SRRM3: variants seen among roughly 807,000 people sequenced by gnomAD.
SRRM3 encodes serine/arginine repetitive matrix 3.
In SRRM3, 27 loss-of-function variants were observed where a neutral mutation model predicts 66.2. That is an observed-to-expected ratio of 0.41 (90% confidence interval 0.30 to 0.56). The LOEUF (loss-of-function observed/expected upper bound fraction) is 0.56, where lower values mean the gene tolerates loss of function less well. Among genes scored for constraint, SRRM3 ranks in the 20% least tolerant of loss-of-function variants. The probability of loss-of-function intolerance (pLI) is 0.32; values close to 1 mark genes in which losing one functional copy is unlikely to be tolerated. For missense variants in SRRM3, 918 were observed against 991.9 expected (o/e 0.93, Z 1.00); for synonymous variants, 391 against 414.9 (o/e 0.94, Z 0.70).
Position 76,283,080 on chromosome 7 carries a change from T to A in SRRM3, c.1712T>A (p.Met571Lys). 6.8e-7 allele frequency: 1 copy of A among 1,463,146 alleles called. No individual in the cohort carries two copies. Among genetic ancestry groups the A allele is most frequent in the Non-Finnish European group, 9.0e-7 (1 of 1,116,706 alleles). The allele number at this position is 1,463,146 out of a possible 1,614,324, so 90.6% of individuals were successfully genotyped here. The change falls in exon 14 of 15, where the codon ATG becomes AAG. Residue 571 changes from methionine to lysine, a missense_variant. Transcript: ENST00000611745. ...RKRRRDSPSF[M>K]EPRRITSARK... Reference sequence around the variant, plus strand: ...CGGCGCCGGGACTCGCCAAGCTTCATGGAGCCGCGGCGCATCACCAGGTAT... The same window carrying A: ...CGGCGCCGGGACTCGCCAAGCTTCAAGGAGCCGCGGCGCATCACCAGGTAT...
chr7:76,246,217 C>A (rs74685020), intron 2 of SRRM3, among the ~76,000 whole-genome samples: 11,814 of 152,168 alleles, frequency 0.078, 1,117 homozygotes, highest in African/African-American at 0.22. Flanking sequence ...CTCTGACAAT[C>A]TTGAAAGGCA....
chr7:76,206,197 G>C (rs2116922798), intron 1 of SRRM3, among the ~76,000 whole-genome samples: 1 of 152,302 alleles, frequency 6.6e-6, no homozygotes, highest in Non-Finnish European at 1.5e-5. Context: ...TTTTAGAGAT[G>C]GGGTCTCACT....
chr7:76,221,491 T>C (rs1365389538), intron 1 of SRRM3, among the ~76,000 whole-genome samples: 1 of 150,842 alleles, frequency 6.6e-6, no homozygotes, highest in Non-Finnish European at 1.5e-5. Context: ...GCCTCCCTAC[T>C]AGCTGGGACT....
At chr7:76,281,085 C>T (rs1802485884) in intron 11 of SRRM3, among the ~76,000 whole-genome samples, 1 of 149,446 alleles carries the variant, frequency 6.7e-6, no homozygotes, top group Admixed American at 6.7e-5. Flanking sequence ...CATCTCTCTC[C>T]CTCTCACTCT....
intron 1 of SRRM3, among the ~76,000 whole-genome samples, chr7:76,211,643 C>T (rs996881244): frequency 1.3e-5 from 2 of 152,056 alleles, no homozygotes; most frequent in African/African-American, 2.4e-5. Flanking sequence ...CTCTCTGCGG[C>T]TCAGCCCAAT....
At chr7:76,271,283 C>T (rs1350756111) in intron 11 of SRRM3, among the ~76,000 whole-genome samples, 3 of 151,946 alleles carry the variant, frequency 2.0e-5, no homozygotes, top group East Asian at 3.9e-4. Flanking sequence ...GACTGGTCAA[C>T]AGAACAAGAC....
chr7:76,230,892 A>G (rs1554604191), intron 1 of SRRM3, among the ~76,000 whole-genome samples: 1 of 151,740 alleles, frequency 6.6e-6, no homozygotes, highest in Non-Finnish European at 1.5e-5. Context: ...CTGGGATTAC[A>G]GGCGCCCACC....
At chr7:76,251,351 G>T (rs1801576394) in intron 3 of SRRM3, among the ~76,000 whole-genome samples, 2 of 151,900 alleles carry the variant, frequency 1.3e-5, no homozygotes, top group African/African-American at 2.4e-5. Flanking sequence ...GGGTACGGTG[G>T]ATCACACCTG....
rs531763693 is a variant in SRRM3, at chr7:76,274,880, C to T, written c.1009-6561C>T. Among the ~76,000 whole-genome samples the T allele has an allele frequency of 1.7e-3, 259 of 152,246 alleles. 5 individuals carry two copies. Among genetic ancestry groups the T allele is most frequent in the East Asian group, 5.8e-4 (3 of 5,170 alleles). On this transcript the variant is annotated intron_variant, in intron 11 of 14. Coordinates refer to ENST00000611745, the MANE Select transcript of SRRM3 (RefSeq NM_001110199.3). ...CAGCACTCTGGGAGGCCGAGGTGGG[C>T]GGATCACTTGAGGTCTGGAGTTTGA...
chr7:76,220,812 A>G (rs1554603101), intron 1 of SRRM3, among the ~76,000 whole-genome samples: 1 of 152,188 alleles, frequency 6.6e-6, no homozygotes, highest in Non-Finnish European at 1.5e-5. Context: ...GCTCTGGCCA[A>G]GATTTTCCTC....
intron 2 of SRRM3, among the ~76,000 whole-genome samples, chr7:76,239,095 C>T (rs1358352367): frequency 3.3e-5 from 5 of 151,726 alleles, no homozygotes; most frequent in African/African-American, 7.3e-5. Flanking sequence ...TGAAATGGCA[C>T]GATCTCGGCT....
At chr7:76,275,119 AAAG>A (rs1554610928) in intron 11 of SRRM3, among the ~76,000 whole-genome samples, 2 of 151,550 alleles carry the variant, frequency 1.3e-5, no homozygotes, top group African/African-American at 4.8e-5. Context: ...AAAAAAAAAA[AAAG>A]AAAAAGAAAA....
rs1200216164 is a variant in SRRM3 at position 76,235,053 on chromosome 7, C to T, written c.-14C>T. 1.3e-6 allele frequency: 2 copies of T among 1,554,806 alleles called. No individual in the cohort carries two copies. Among genetic ancestry groups the T allele is most frequent in the African/African-American group, 2.7e-5 (2 of 72,768 alleles). ...GGCCAGCGGCCCAGGCCAGCGGCTC[C>T]AGGGCCAGCCACGATGTCCTCCACC... On this transcript the variant is annotated 5_prime_UTR_variant, in exon 2 of 15. Transcript: ENST00000611745.
At chr7:76,225,896 G>A (rs891429097) in intron 1 of SRRM3, among the ~76,000 whole-genome samples, 3 of 152,082 alleles carry the variant, frequency 2.0e-5, no homozygotes, top group South Asian at 2.1e-4. Context: ...TTGAAGTCAC[G>A]TGCCCTAGGT....
At chr7:76,275,599 T>C (rs917070423) in intron 11 of SRRM3, among the ~76,000 whole-genome samples, 1 of 152,030 alleles carries the variant, frequency 6.6e-6, no homozygotes, top group Admixed American at 6.6e-5. Context: ...GGTCCGTCCT[T>C]GAGGAGTTTC....
chr7:76,213,021 T>C (rs1554601966), intron 1 of SRRM3, among the ~76,000 whole-genome samples: 1 of 144,314 alleles, frequency 6.9e-6, no homozygotes. Context: ...TTTTTTTTTT[T>C]TTTTTTGAGA....
chr7:76,275,105 C>CAAAA (rs199917871), intron 11 of SRRM3, among the ~76,000 whole-genome samples: 1 of 85,626 alleles, frequency 1.2e-5, no homozygotes, highest in Non-Finnish European at 2.4e-5. Flanking sequence ...GACTCAGTCT[C>CAAAA]AAAAAAAAAA....
intron 3 of SRRM3, 23 bp downstream of exon 3, chr7:76,248,312 A>T: frequency 6.3e-7 from 1 of 1,585,750 alleles, no homozygotes. Context: ...CTGTGTGGGG[A>T]TGAGGGAGAG....
intron 1 of SRRM3, among the ~76,000 whole-genome samples, chr7:76,216,470 T>C (rs1563608533): frequency 6.6e-6 from 1 of 152,244 alleles, no homozygotes; most frequent in Non-Finnish European, 1.5e-5. Flanking sequence ...ACTTTTCCAC[T>C]GAGTCCTTGA....
Sources: allele counts gnomAD v4.1 joint callset (sites outside exome capture counted in the v4.1 genomes callset), GRCh38; gene constraint gnomAD v4.1.1; transcripts MANE v1.5; gene names NCBI Gene and HGNC (gene_info 2026-07-23, HGNC 2026-07-21).